COL5A2: variants seen among roughly 807,000 people sequenced by gnomAD.
COL5A2 encodes the protein collagen alpha-2(V) chain.
COL5A2 carries 23 observed loss-of-function variants against 208.2 expected under a neutral mutation model. The observed-to-expected ratio is 0.11, with a 90% CI of 0.08 to 0.16. The LOEUF (loss-of-function observed/expected upper bound fraction) is 0.16. COL5A2 is among the 10% of genes least tolerant of loss of function. The probability of loss-of-function intolerance (pLI) is 1.00; values close to 1 mark genes in which losing one functional copy is unlikely to be tolerated. For missense variants in COL5A2, 1,590 were observed against 1,956.4 expected (o/e 0.81, Z 3.53); for synonymous variants, 625 against 628.5 (o/e 0.99, Z 0.08).
the COL5A2 span, among the ~76,000 whole-genome samples, chr2:189,424,425 T>A: frequency 3.9e-5 from 6 of 152,112 alleles, no homozygotes; most frequent in South Asian, 2.1e-4. Flanking sequence ...GTACTTTTTT[T>A]AAAAACTAAA....
rs1304665023 is a variant in COL5A2 at position 189,066,414 on chromosome 2, A to G, written c.1539T>C (p.Gly513=). The G allele has an allele frequency of 6.8e-6, 11 of 1,614,100 alleles. No homozygotes were observed. The highest frequency in any genetic ancestry group is 9.3e-6 in the Non-Finnish European group (11 of 1,179,988). ...CCCTTTCTCCCACTGGCCCTGGAGG[A>G]CCAACTGTTCCTGGGTCACCTCTGG... ...RGPRGDPGTV[G]PPGPVGERGA... The change falls in exon 23 of 54, where the codon GGT becomes GGC. Residue 513 remains glycine, a synonymous_variant. Coordinates refer to ENST00000374866, the MANE Select transcript of COL5A2 (RefSeq NM_000393.5).
chr2:189,203,553 C>A (rs1325836235), intron 1 of COL5A2, among the ~76,000 whole-genome samples: 1 of 152,192 alleles, frequency 6.6e-6, no homozygotes, highest in East Asian at 1.9e-4. Context: ...CAGAATCTGT[C>A]ATCTGTACTA....
intron 1 of COL5A2, among the ~76,000 whole-genome samples, chr2:189,174,343 T>G (rs931691591): frequency 6.6e-6 from 1 of 152,260 alleles, no homozygotes; most frequent in African/African-American, 2.4e-5. Flanking sequence ...CATAGTAGAA[T>G]GATTCGCCTA....
chr2:189,176,220 G>A (rs1437996901), intron 1 of COL5A2, among the ~76,000 whole-genome samples: 1 of 152,176 alleles, frequency 6.6e-6, no homozygotes, highest in Non-Finnish European at 1.5e-5. Flanking sequence ...GTGTAGGATT[G>A]CAACATGATG....
At position 189,042,727 on chromosome 2, in the gene COL5A2, C is replaced by T; in HGVS notation, c.3518G>A (p.Gly1173Asp). 6.2e-7 allele frequency: 1 copy of T among 1,607,492 alleles called. No homozygotes were observed. The highest frequency in any genetic ancestry group is 8.5e-7 in the Non-Finnish European group (1 of 1,176,192). ...CTACTTTTTGTTACTTACTCTTGGG[C>T]CAAATGGTCCAGGGATTCCAGCACT... is the stretch of plus-strand genomic sequence containing the variant. Reference protein sequence around the residue: ...QGSAGIPGPFGPRGPPGPVGP... With the variant: ...QGSAGIPGPFDPRGPPGPVGP... Residue 1173 changes from glycine (G) to aspartate (D), a missense_variant, in exon 49 of 54, where the codon GGC (glycine) becomes GAC (aspartate). Physicochemically the swap from Gly to Asp is moderately conservative, Grantham distance 94. Transcript: ENST00000374866.
the COL5A2 span, among the ~76,000 whole-genome samples, chr2:189,259,832 G>T: frequency 6.6e-6 from 1 of 152,256 alleles, no homozygotes; most frequent in African/African-American, 2.4e-5. Flanking sequence ...TCAGGGGAGA[G>T]AAGCCAACTA....
chr2:189,047,493 T>A (rs1043041922), intron 45 of COL5A2, among the ~76,000 whole-genome samples: 1 of 152,218 alleles, frequency 6.6e-6, no homozygotes, highest in Non-Finnish European at 1.5e-5. Context: ...CCCAATGGCA[T>A]ATGTATTAAT....
At chr2:189,245,610 G>A in the COL5A2 span, among the ~76,000 whole-genome samples, 10 of 151,056 alleles carry the variant, frequency 6.6e-5, no homozygotes, top group South Asian at 2.1e-4. Flanking sequence ...TCAGCCTCCC[G>A]AGTAGCTGGG....
chr2:189,066,292 G>T, intron 23 of COL5A2, 98 bp downstream of exon 23: 1 of 1,137,566 alleles, frequency 8.8e-7, no homozygotes, highest in Middle Eastern at 2.3e-4. Context: ...GAACCTGCAA[G>T]CATTTCTCTT....
chr2:189,087,595 G>A (rs1686690333), intron 8 of COL5A2, among the ~76,000 whole-genome samples: 1 of 151,068 alleles, frequency 6.6e-6, no homozygotes, highest in Admixed American at 6.6e-5. Context: ...TGGGACTACA[G>A]GCACCTGCCA....
At chr2:189,427,403 G>A in the COL5A2 span, among the ~76,000 whole-genome samples, 1 of 152,146 alleles carries the variant, frequency 6.6e-6, no homozygotes, top group Non-Finnish European at 1.5e-5. Flanking sequence ...GAAGCCAGCT[G>A]CAGGGGCAGA....
the COL5A2 span, among the ~76,000 whole-genome samples, chr2:189,282,288 C>T: frequency 6.6e-6 from 1 of 151,968 alleles, no homozygotes; most frequent in South Asian, 2.1e-4. Context: ...ATTTCTATGC[C>T]TCTATGCTAG....
At chr2:189,241,714 A>C in the COL5A2 span, among the ~76,000 whole-genome samples, 1 of 152,192 alleles carries the variant, frequency 6.6e-6, no homozygotes, top group African/African-American at 2.4e-5. Context: ...TTTTCCCAAT[A>C]TCCTTTATTC....
chr2:189,106,830 G>T (rs1687159877), intron 2 of COL5A2, among the ~76,000 whole-genome samples: 2 of 151,224 alleles, frequency 1.3e-5, no homozygotes, highest in African/African-American at 4.8e-5. Context: ...CTTTAATTAT[G>T]AAAGAATTCA....
At chr2:189,349,747 C>G in the COL5A2 span, among the ~76,000 whole-genome samples, 1 of 152,134 alleles carries the variant, frequency 6.6e-6, no homozygotes, top group Non-Finnish European at 1.5e-5. Context: ...AACAAACTAA[C>G]TCTTCTCATC....
chr2:189,237,882 T>G, the COL5A2 span, among the ~76,000 whole-genome samples: 1 of 151,874 alleles, frequency 6.6e-6, no homozygotes, highest in African/African-American at 2.4e-5. Flanking sequence ...AAGGCTCAGT[T>G]TTGTGTTCAA....
intron 49 of COL5A2, among the ~76,000 whole-genome samples, chr2:189,042,229 T>C (rs1455242352): frequency 1.3e-5 from 2 of 152,200 alleles, no homozygotes; most frequent in African/African-American, 4.8e-5. Context: ...CAATGACTTA[T>C]TACAAGCAAC....
At chr2:189,333,950 T>G in the COL5A2 span, among the ~76,000 whole-genome samples, 2 of 151,542 alleles carry the variant, frequency 1.3e-5, no homozygotes, top group South Asian at 2.1e-4. Flanking sequence ...AAAGATATAA[T>G]GCAGTCATCT....
rs760117362 is a variant in COL5A2, at chr2:189,075,421, T to C, written c.1076A>G (p.His359Arg). Residue 359 changes from histidine (H) to arginine (R), a missense_variant, in exon 17 of 54, where the codon CAT becomes CGT. By Grantham distance (29) the His-to-Arg change is conservative. Coordinates refer to ENST00000374866, the MANE Select transcript of COL5A2 (RefSeq NM_000393.5). ...PQGAPGQRGA[H>R]GMPGKPGPMG... Reference sequence around the variant, plus strand: ...TGGTCCAGGTTTTCCAGGCATACCATGTGCACCTCGTTGTCCCTAATTAAG... The same window carrying C: ...TGGTCCAGGTTTTCCAGGCATACCACGTGCACCTCGTTGTCCCTAATTAAG... The C allele has an allele frequency of 4.4e-6, 7 of 1,606,810 alleles. No individual in the cohort carries two copies. Among genetic ancestry groups the C allele is most frequent in the South Asian group, 1.1e-5 (1 of 90,838 alleles).
Sources: allele counts gnomAD v4.1 joint callset (sites outside exome capture counted in the v4.1 genomes callset), GRCh38; gene constraint gnomAD v4.1.1; transcripts MANE v1.5; gene names NCBI Gene and HGNC (gene_info 2026-07-23, HGNC 2026-07-21).